The following KDM6A variants were observed in gnomAD, a reference collection of about 807,000 sequenced individuals.
KDM6A encodes lysine demethylase 6A.
In KDM6A, 11 loss-of-function variants were observed where a neutral mutation model predicts 117.6. The observed-to-expected ratio is 0.09, with a 90% CI of 0.06 to 0.15. The LOEUF (loss-of-function observed/expected upper bound fraction) is 0.15, where lower values mean the gene tolerates loss of function less well. KDM6A is among the 10% of genes least tolerant of loss of function. The pLI is 1.00. For missense variants in KDM6A, 799 were observed against 1,077.3 expected, an observed-to-expected ratio of 0.74 and a Z score of 3.62; for synonymous variants, 384 against 396.1, an observed-to-expected ratio of 0.97 and a Z score of 0.36.
At chrX:44,931,037 T>C (rs1193092344) in intron 2 of KDM6A, among the ~76,000 whole-genome samples, 1 of 111,876 alleles carries the variant, frequency 8.9e-6, no homozygotes, top group Non-Finnish European at 1.9e-5. Context: ...TCTGTGTATA[T>C]GTTCAAAAGA....
chrX:44,961,670 T>C (rs761801834), intron 3 of KDM6A, among the ~76,000 whole-genome samples: 1 of 112,049 alleles, frequency 8.9e-6, no homozygotes, highest in Non-Finnish European at 1.9e-5. Context: ...CAGTTTGATA[T>C]AGATATTTGT....
chrX:45,076,524 T>C (rs1026012909), intron 18 of KDM6A, among the ~76,000 whole-genome samples, 173 bp from the exon 19 acceptor site: 21 of 111,213 alleles, frequency 1.9e-4, no homozygotes, highest in Non-Finnish European at 7.6e-5. Flanking sequence ...ATCAAGTCTT[T>C]GCTGAAATTA....
chrX:45,026,655 C>T (rs867575567), intron 6 of KDM6A, among the ~76,000 whole-genome samples: 15 of 103,049 alleles, frequency 1.5e-4, no homozygotes, highest in African/African-American at 5.1e-4. Context: ...GGAGAAATCC[C>T]GTCTCTACTA....
At chrX:45,072,860 T>C (rs2044918559) in intron 18 of KDM6A, among the ~76,000 whole-genome samples, 1 of 104,139 alleles carries the variant, frequency 9.6e-6, no homozygotes, top group Non-Finnish European at 1.9e-5. Context: ...TTTAAAAAAA[T>C]ATAATAATAT....
rs768163192 is a variant in KDM6A, at chrX:45,052,234, T to C, written c.748+432T>C. 5.3e-5 allele frequency among the ~76,000 whole-genome samples: 6 copies of C among 112,308 alleles called. No individual in the cohort carries two copies. The South Asian group carries it at 2.2e-3, about 41-fold the overall frequency. On this transcript the variant is annotated intron_variant, in intron 9 of 29. Transcript: ENST00000611820. Reference sequence around the variant, plus strand: ...GTGAGCATGCAGTTCTATTCTAATGTGGGACATGAGGGAATCTATTCATTT... The same window carrying C: ...GTGAGCATGCAGTTCTATTCTAATGCGGGACATGAGGGAATCTATTCATTT...
rs767848084 is a variant in KDM6A, at chrX:45,089,711, G to A, written c.3705-32G>A. ...TTACTAGGAGCTTCTTAATGTAGTT[G>A]ATCCATTTGCATTATTTTTTTCTTA... On this transcript the variant is annotated intron_variant, in intron 25 of 29. Transcript: ENST00000611820. 8.6e-6 allele frequency: 9 copies of A among 1,050,299 alleles called. No individual in the cohort carries two copies. In the South Asian group the frequency reaches 1.7e-4, roughly 20 times the overall value. 86.6% of individuals were successfully genotyped at this position (1,050,299 alleles called of 1,213,427 possible). A position where few individuals can be genotyped will look rare whatever the true frequency, so the allele number is the denominator to read the frequency against.
rs186545933 is a variant in KDM6A at position 45,023,593 on chromosome X, C to A, written c.564+2863C>A. 5.4e-5 allele frequency among the ~76,000 whole-genome samples: 6 copies of A among 111,526 alleles called. No individual in the cohort carries two copies. In the East Asian group the frequency reaches 1.7e-3, roughly 31 times the overall value. ...TGAAGAACTAGAATAATTATAGCCA[C>A]CCACATGATTGATATAAAGGTGAAT... On this transcript the variant is annotated intron_variant, in intron 6 of 29. Coordinates refer to ENST00000611820, the MANE Select transcript of KDM6A (RefSeq NM_001291415.2).
At chrX:44,964,987 C>G (rs1207987222) in intron 3 of KDM6A, among the ~76,000 whole-genome samples, 7 of 112,403 alleles carry the variant, frequency 6.2e-5, no homozygotes, top group Non-Finnish European at 1.3e-4. Context: ...GTGATCTTAG[C>G]TAGATCTTCT....
chrX:45,006,453 G>A (rs1172540), intron 4 of KDM6A, among the ~76,000 whole-genome samples: 6,042 of 110,579 alleles, frequency 0.055, 194 homozygotes, highest in Non-Finnish European at 0.083. Flanking sequence ...AATGGTGAGC[G>A]CACACTTGGA....
intron 27 of KDM6A, among the ~76,000 whole-genome samples, chrX:45,098,510 TAAAG>T (rs1411244068): frequency 8.9e-6 from 1 of 112,745 alleles, no homozygotes; most frequent in Non-Finnish European, 1.9e-5. Context: ...AAACTGGAGA[TAAAG>T]AAGAAATGAG....
intron 10 of KDM6A, among the ~76,000 whole-genome samples, chrX:45,057,968 T>C (rs1017018535): frequency 7.2e-5 from 8 of 110,762 alleles, no homozygotes; most frequent in African/African-American, 2.6e-4. Context: ...TATGTGTGTG[T>C]TGTCTTTCCA....
At chrX:45,042,113 G>T (rs894173973) in intron 8 of KDM6A, among the ~76,000 whole-genome samples, 4 of 109,458 alleles carry the variant, frequency 3.7e-5, no homozygotes, top group Non-Finnish European at 7.6e-5. Context: ...CCAGTCAGGC[G>T]TGGCGGCATG....
intron 10 of KDM6A, among the ~76,000 whole-genome samples, chrX:45,056,710 A>G (rs774365990): frequency 5.4e-5 from 6 of 111,724 alleles, no homozygotes. Flanking sequence ...ACCTACTTTC[A>G]TTAGAGGAAA....
At chrX:44,910,428 A>T (rs1414225324) in intron 2 of KDM6A, among the ~76,000 whole-genome samples, 1 of 107,032 alleles carries the variant, frequency 9.3e-6, no homozygotes, top group Non-Finnish European at 1.9e-5. Context: ...ACCTCAAATG[A>T]TCTGCCCGAT....
intron 28 of KDM6A, among the ~76,000 whole-genome samples, chrX:45,108,679 T>C (rs1383891006): frequency 9.9e-6 from 1 of 101,076 alleles, no homozygotes; most frequent in Non-Finnish European, 2.0e-5. Context: ...CGTATGTTTA[T>C]TGCAGCATTA....
chrX:44,915,616 C>T (rs1339135511), intron 2 of KDM6A, among the ~76,000 whole-genome samples: 1 of 111,780 alleles, frequency 8.9e-6, no homozygotes, highest in Admixed American at 9.5e-5. Flanking sequence ...TCCAGAAACT[C>T]CTAAGTTTTA....
At chrX:44,880,526 C>T (rs970933610) in intron 2 of KDM6A, among the ~76,000 whole-genome samples, 5 of 106,231 alleles carry the variant, frequency 4.7e-5, no homozygotes, top group Non-Finnish European at 7.7e-5. Flanking sequence ...CGTGGTGGCT[C>T]GTGCCTGTAA....
intron 6 of KDM6A, among the ~76,000 whole-genome samples, chrX:45,026,869 A>G (rs748768135): frequency 1.3e-3 from 137 of 109,571 alleles, no homozygotes; most frequent in Middle Eastern, 4.8e-3. Flanking sequence ...AACTTTCTGT[A>G]TTTTAGAAAT....
chrX:44,924,648 G>GGTGTGTGTGTGT (rs112587323), intron 2 of KDM6A, among the ~76,000 whole-genome samples: 7 of 90,456 alleles, frequency 7.7e-5, no homozygotes, highest in African/African-American at 2.0e-4. Flanking sequence ...GGTGGTCCTG[G>GGTGTGTGTGTGT]GTGTGTGTGT....
Sources: allele counts gnomAD v4.1 joint callset (sites outside exome capture counted in the v4.1 genomes callset), GRCh38; gene constraint gnomAD v4.1.1; transcripts MANE v1.5; gene names NCBI Gene and HGNC (gene_info 2026-07-23, HGNC 2026-07-21).